CES5A: variants seen among roughly 807,000 people sequenced by gnomAD.
The protein encoded by CES5A is carboxylesterase 5A.
CES5A carries 67 observed loss-of-function variants against 62.9 expected under a neutral mutation model. That is an observed-to-expected ratio of 1.07 (90% CI 0.88 to 1.31). The LOEUF (loss-of-function observed/expected upper bound fraction) is 1.31. CES5A is among the 50% of genes most tolerant of loss of function. The pLI is 0.00. For missense variants in CES5A, 748 were observed against 708.5 expected (o/e 1.06, Z -0.63); for synonymous variants, 296 against 280.8 (o/e 1.05, Z -0.54).
At chr16:55,923,752 G>A (rs567944618) in intron 1 of CES5A, among the ~76,000 whole-genome samples, 2 of 151,740 alleles carry the variant, frequency 1.3e-5, no homozygotes, top group South Asian at 4.1e-4. Context: ...GAACTTAGAT[G>A]CACAAATCCT....
At chr16:55,895,865 TG>T (rs1397220770) in intron 1 of CES5A, among the ~76,000 whole-genome samples, 9 of 152,168 alleles carry the variant, frequency 5.9e-5, no homozygotes, top group Non-Finnish European at 1.0e-4. Flanking sequence ...TGGTGGGAGA[TG>T]TTTAGGTCAT....
At chr16:55,870,963 C>A (rs1431529702) in intron 3 of CES5A, among the ~76,000 whole-genome samples, 6 of 152,172 alleles carry the variant, frequency 3.9e-5, no homozygotes, top group African/African-American at 1.4e-4. Context: ...GTCACTTATG[C>A]CCTTCCTGTG....
At chr16:55,860,084 C>T (rs2033322868) in intron 7 of CES5A, among the ~76,000 whole-genome samples, 1 of 152,094 alleles carries the variant, frequency 6.6e-6, no homozygotes, top group Non-Finnish European at 1.5e-5. Flanking sequence ...CTTTCCCATG[C>T]TATTTGCATG....
At chr16:55,865,515 C>G (rs1379668778) in intron 5 of CES5A, among the ~76,000 whole-genome samples, 14 of 152,180 alleles carry the variant, frequency 9.2e-5, no homozygotes, top group Non-Finnish European at 1.8e-4. Context: ...TGTTGGAAAT[C>G]GAGTCAGCAG....
At chr16:55,923,896 G>A (rs2034233726) in intron 1 of CES5A, among the ~76,000 whole-genome samples, 1 of 151,772 alleles carries the variant, frequency 6.6e-6, no homozygotes, top group African/African-American at 2.4e-5. Flanking sequence ...TCATCAAACT[G>A]GGTATAGAAG....
At chr16:55,897,589 A>T (rs763970130) in intron 1 of CES5A, among the ~76,000 whole-genome samples, 1 of 152,144 alleles carries the variant, frequency 6.6e-6, no homozygotes, top group Non-Finnish European at 1.5e-5. Flanking sequence ...AGAATACCCA[A>T]ATTTTCTGGA....
At chr16:55,938,765 A>AAATAT (rs1567362288) in intron 2 of CES5A, among the ~76,000 whole-genome samples, 2 of 39,200 alleles carry the variant, frequency 5.1e-5, no homozygotes, top group African/African-American at 2.3e-4. Context: ...AAAAAAAAAA[A>AAATAT]ATATATATAT....
chr16:55,938,463 G>A (rs2142475985), intron 2 of CES5A, among the ~76,000 whole-genome samples: 1 of 152,126 alleles, frequency 6.6e-6, no homozygotes, highest in East Asian at 1.9e-4. Context: ...ACTTAAGGAA[G>A]ATGAAAGGAA....
intron 1 of CES5A, among the ~76,000 whole-genome samples, chr16:55,893,316 GA>G (rs1183193444): frequency 7.8e-4 from 114 of 146,424 alleles, no homozygotes; most frequent in Admixed American, 1.5e-3. Context: ...GTATGAAATA[GA>G]AAAAAAAAAT....
intron 9 of CES5A, among the ~76,000 whole-genome samples, chr16:55,854,272 A>G (rs1178261089): frequency 6.6e-6 from 1 of 152,048 alleles, no homozygotes; most frequent in East Asian, 1.9e-4. Flanking sequence ...ATGCCCTTCC[A>G]TTCCTCTTGC....
At chr16:55,925,773 T>C (rs1159429125), upstream of CES5A, among the ~76,000 whole-genome samples, 2 of 151,870 alleles carry the variant, frequency 1.3e-5, no homozygotes, top group Non-Finnish European at 2.9e-5. Flanking sequence ...AAGACAAATA[T>C]CACATGTTAA....
At chr16:55,857,001 G>T (rs11076123) in intron 8 of CES5A, among the ~76,000 whole-genome samples, 49,949 of 152,102 alleles carry the variant, frequency 0.33, 9,419 homozygotes, top group African/African-American at 0.52. Flanking sequence ...AGCACTGACT[G>T]CCTGAGAGGC....
chr16:55,931,412 C>T lies in CES5A; in HGVS notation c.160+18373G>A, dbSNP rs963363371. On this transcript the variant is annotated intron_variant, in intron 2 of 13. Coordinates refer to the CES5A transcript ENST00000521992. ...CCTAAGTTTGTTCTGCCACAACACA[C>T]GTGGACTCAGTCAATGACAGCCTAC... 2.4e-4 allele frequency among the ~76,000 whole-genome samples: 37 copies of T among 152,300 alleles called. 1 individual carries two copies. The highest frequency in any genetic ancestry group is 1.8e-3 in the Admixed American group (28 of 15,302).
At chr16:55,903,129 GAA>G (rs57306486) in intron 1 of CES5A, among the ~76,000 whole-genome samples, 7 of 146,680 alleles carry the variant, frequency 4.8e-5, no homozygotes, top group Admixed American at 1.4e-4. Context: ...GGGATGCAGA[GAA>G]AAAAAAAAAG....
upstream of CES5A, among the ~76,000 whole-genome samples, chr16:55,927,026 A>G (rs1294242100): frequency 6.6e-6 from 1 of 152,204 alleles, no homozygotes; most frequent in Non-Finnish European, 1.5e-5. Context: ...TGCTGGGAAA[A>G]CTAGATAGCC....
At chr16:55,856,237 C>G in intron 9 of CES5A, 140 bp downstream of exon 9, 1 of 731,756 alleles carries the variant, frequency 1.4e-6, no homozygotes, top group South Asian at 1.6e-5. Flanking sequence ...GACTAATACA[C>G]CTATGCTTAG....
At chr16:55,917,989 GGA>G (rs1246382976) in intron 1 of CES5A, among the ~76,000 whole-genome samples, 1 of 152,144 alleles carries the variant, frequency 6.6e-6, no homozygotes, top group Non-Finnish European at 1.5e-5. Context: ...CATGGTTCTG[GGA>G]GAGAATTGGC....
chr16:55,859,142 T>G (rs1654787702), intron 8 of CES5A, among the ~76,000 whole-genome samples: 1 of 152,250 alleles, frequency 6.6e-6, no homozygotes, highest in African/African-American at 2.4e-5. Context: ...CATTCAGGGA[T>G]GTCAAAATGC....
At chr16:55,922,488 C>T (rs892214637) in intron 1 of CES5A, among the ~76,000 whole-genome samples, 6 of 151,790 alleles carry the variant, frequency 4.0e-5, no homozygotes, top group Non-Finnish European at 8.8e-5. Flanking sequence ...TTCAGCAAAA[C>T]GATATAACAA....
Sources: allele counts gnomAD v4.1 joint callset (sites outside exome capture counted in the v4.1 genomes callset), GRCh38; gene constraint gnomAD v4.1.1; transcripts MANE v1.5; gene names NCBI Gene and HGNC (gene_info 2026-07-23, HGNC 2026-07-21).